RGS21: variants seen among roughly 807,000 people sequenced by gnomAD.
RGS21 encodes the protein regulator of G-protein signalling 21.
In RGS21, 19 loss-of-function variants were observed where a neutral mutation model predicts 18.7. That is an observed-to-expected ratio of 1.01 (90% CI 0.71 to 1.49). The LOEUF is 1.49. Ranked by LOEUF, RGS21 falls within the 40% of genes most tolerant of loss-of-function variation. The pLI is 0.00. For missense variants in RGS21, 194 were observed against 176.8 expected, an observed-to-expected ratio of 1.10 and a Z score of -0.55; for synonymous variants, 56 against 57.8, an observed-to-expected ratio of 0.97 and a Z score of 0.14.
Position 192,367,119 on chromosome 1 carries a change from A to G in RGS21, c.*995A>G, listed in dbSNP as rs191099331. ...TCTCCCACGTTTCCATTTTCTTTGC[A>G]CAGATTTATTTATCTGCATTGATAT... is the stretch of plus-strand genomic sequence containing the variant. On this transcript the variant is annotated 3_prime_UTR_variant, in exon 5 of 5. Transcript: ENST00000417209. 1.1e-4 allele frequency: 16 copies of G among 152,136 alleles called. No individual in the cohort carries two copies. The highest frequency in any genetic ancestry group is 2.1e-4 in the Non-Finnish European group (14 of 67,962). The allele number at this position is 152,136 out of a possible 1,614,324, so 9.4% of individuals were successfully genotyped here. A position where few individuals can be genotyped will look rare whatever the true frequency, so the allele number is the denominator to read the frequency against.
intron 1 of RGS21, among the ~76,000 whole-genome samples, chr1:192,323,077 GTGT>G (rs1658518643): frequency 6.6e-6 from 1 of 152,106 alleles, no homozygotes; most frequent in African/African-American, 2.4e-5. Flanking sequence ...TAAAAAATAA[GTGT>G]TGTGTTTTTA....
chr1:192,363,846 C>G (rs1473428853), intron 4 of RGS21, among the ~76,000 whole-genome samples: 1 of 151,912 alleles, frequency 6.6e-6, no homozygotes, highest in Non-Finnish European at 1.5e-5. Context: ...CTTATTTTTT[C>G]TGCCCTAAGT....
chr1:192,365,931 A>C lies in RGS21; in HGVS notation c.266A>C (p.Asp89Ala). The C allele has an allele frequency of 6.3e-7, 1 of 1,595,638 alleles. No homozygotes were observed. Among genetic ancestry groups the C allele is most frequent in the Non-Finnish European group, 8.6e-7 (1 of 1,165,478 alleles). Residue 89 changes from aspartate to alanine, a missense_variant, in exon 5 of 5, where the codon GAC becomes GCC. By Grantham distance (126) the Asp-to-Ala change is moderately radical (BLOSUM62 -2). Coordinates refer to ENST00000417209, the MANE Select transcript of RGS21 (RefSeq NM_001039152.3). Reference sequence around the variant, plus strand: ...CCTTATTTTCCACAGATTAACATTGACTTCGGTACCAGAGACCTCATCTCA... The same window carrying C: ...CCTTATTTTCCACAGATTAACATTGCCTTCGGTACCAGAGACCTCATCTCA... Reference protein sequence around the residue: ...EADAPKEINIDFGTRDLISKN... With the variant: ...EADAPKEINIAFGTRDLISKN...
At chr1:192,339,957 T>C (rs568574047) in intron 1 of RGS21, among the ~76,000 whole-genome samples, 93 of 152,144 alleles carry the variant, frequency 6.1e-4, no homozygotes, top group African/African-American at 2.2e-3. Flanking sequence ...ATTTATATTA[T>C]ATATGTATGT....
chr1:192,355,345 A>T (rs1014312653), intron 4 of RGS21, among the ~76,000 whole-genome samples: 1 of 151,734 alleles, frequency 6.6e-6, no homozygotes, highest in Non-Finnish European at 1.5e-5. Context: ...GATAAGTGCT[A>T]TTGAAACTAA....
chr1:192,358,625 T>A (rs1032661953), intron 4 of RGS21, among the ~76,000 whole-genome samples: 1 of 152,018 alleles, frequency 6.6e-6, no homozygotes, highest in African/African-American at 2.4e-5. Flanking sequence ...ATAATGACAG[T>A]CTCCTGCTAC....
chr1:192,331,689 T>G (rs1179053671), intron 1 of RGS21, among the ~76,000 whole-genome samples: 1 of 151,814 alleles, frequency 6.6e-6, no homozygotes, highest in African/African-American at 2.4e-5. Flanking sequence ...AAAATTAAGG[T>G]ACAGGTATTT....
chr1:192,359,141 C>T (rs563795219), intron 4 of RGS21, among the ~76,000 whole-genome samples: 2 of 152,064 alleles, frequency 1.3e-5, no homozygotes, highest in African/African-American at 4.8e-5. Flanking sequence ...AATTTATGAC[C>T]TTTTGAAAAA....
chr1:192,351,833 T>C (rs533146492), intron 3 of RGS21, among the ~76,000 whole-genome samples: 1 of 148,556 alleles, frequency 6.7e-6, no homozygotes, highest in South Asian at 2.1e-4. Flanking sequence ...ATGTGTTATA[T>C]ATGTTATATA....
chr1:192,329,620 G>T (rs953018794), intron 1 of RGS21, among the ~76,000 whole-genome samples: 1 of 152,104 alleles, frequency 6.6e-6, no homozygotes, highest in African/African-American at 2.4e-5. Context: ...CAGTTTCATA[G>T]ATTCTATGAA....
At chr1:192,335,830 C>T (rs756498683) in intron 1 of RGS21, among the ~76,000 whole-genome samples, 3 of 152,078 alleles carry the variant, frequency 2.0e-5, no homozygotes, top group Non-Finnish European at 4.4e-5. Context: ...AACAGTGGGA[C>T]TTTCAGGGAA....
intron 1 of RGS21, among the ~76,000 whole-genome samples, chr1:192,335,404 A>C (rs964429137): frequency 6.6e-6 from 1 of 152,216 alleles, no homozygotes; most frequent in East Asian, 1.9e-4. Context: ...GATCATTGTC[A>C]CTAATAATTT....
In RGS21 at chr1:192,352,065, G is replaced by A. The variant is rs780347904; in HGVS notation, c.107G>A (p.Arg36Gln). The change falls in exon 4 of 5, where the codon CGA becomes CAA. Residue 36 changes from arginine (R) to glutamine (Q), a missense_variant. By Grantham distance (43) the Arg-to-Gln change is conservative. Coordinates refer to ENST00000417209, the MANE Select transcript of RGS21 (RefSeq NM_001039152.3). ...TTTATAGCTGGTCTAGATGCTTTTCGAATATTTCTAAAATCAGAGTTTAGT... is the reference window on the plus strand; with the variant it reads ...TTTATAGCTGGTCTAGATGCTTTTCAAATATTTCTAAAATCAGAGTTTAGT... ...LANQAGLDAF[R>Q]IFLKSEFSEE... 1.9e-5 allele frequency: 30 copies of A among 1,596,220 alleles called. No individual in the cohort carries two copies. The highest frequency in any genetic ancestry group is 5.3e-5 in the Admixed American group (3 of 56,170).
chr1:192,351,822 T>C (rs1260594253), intron 3 of RGS21, among the ~76,000 whole-genome samples: 1 of 148,158 alleles, frequency 6.7e-6, no homozygotes, highest in Non-Finnish European at 1.5e-5. Flanking sequence ...ATGTGCTATA[T>C]ATGTGTTATA....
At chr1:192,335,328 G>C (rs775323017) in intron 1 of RGS21, among the ~76,000 whole-genome samples, 1 of 152,238 alleles carries the variant, frequency 6.6e-6, no homozygotes, top group Non-Finnish European at 1.5e-5. Context: ...TTATAAGAAT[G>C]AAATTAGATA....
At chr1:192,356,006 G>A (rs1175760726) in intron 4 of RGS21, among the ~76,000 whole-genome samples, 2 of 151,434 alleles carry the variant, frequency 1.3e-5, no homozygotes, top group Non-Finnish European at 3.0e-5. Flanking sequence ...AACAATCCAG[G>A]AAAAAACACA....
At chr1:192,318,305 T>C (rs1658447622) in intron 1 of RGS21, among the ~76,000 whole-genome samples, 1 of 152,062 alleles carries the variant, frequency 6.6e-6, no homozygotes, top group Non-Finnish European at 1.5e-5. Context: ...GTAACACTAT[T>C]AATTACTTCT....
chr1:192,346,929 T>C (rs1468378328), intron 2 of RGS21, among the ~76,000 whole-genome samples: 2 of 152,106 alleles, frequency 1.3e-5, no homozygotes, highest in Non-Finnish European at 2.9e-5. Flanking sequence ...ATTTAGAAAA[T>C]AGTTTATTCA....
At chr1:192,327,412 T>C (rs560647625) in intron 1 of RGS21, among the ~76,000 whole-genome samples, 4 of 152,114 alleles carry the variant, frequency 2.6e-5, no homozygotes, top group Non-Finnish European at 5.9e-5. Context: ...TAATGCTAAA[T>C]CTCAAAAGTC....
Sources: gnomAD v4.1 joint callset for allele counts (sites outside exome capture counted in the v4.1 genomes callset) on GRCh38, gnomAD v4.1.1 for gene constraint, MANE v1.5 for transcripts, NCBI Gene and HGNC (gene_info 2026-07-23, HGNC 2026-07-21) for gene names.